CA8: variants seen among roughly 807,000 people sequenced by gnomAD.
The protein encoded by CA8 is carbonic anhydrase 8 (inactive), also known as carbonic anhydrase-related protein.
Under a neutral mutation model 41.4 loss-of-function variants are expected in CA8, and 22 were observed. The observed-to-expected ratio is 0.53, with a 90% CI of 0.38 to 0.76. The LOEUF (loss-of-function observed/expected upper bound fraction) is 0.76, where lower values mean the gene tolerates loss of function less well. Ranked by LOEUF, CA8 falls within the 30% of genes least tolerant of loss-of-function variation. The pLI is 0.00. For synonymous variants in CA8, 121 were observed against 130.6 expected, an observed-to-expected ratio of 0.93 and a Z score of 0.50; for missense variants, 270 against 352.8, an observed-to-expected ratio of 0.77 and a Z score of 1.88.
chr8:60,218,922 C>A (rs1319691066), intron 7 of CA8, among the ~76,000 whole-genome samples: 1 of 151,848 alleles, frequency 6.6e-6, no homozygotes, highest in African/African-American at 2.4e-5. Flanking sequence ...AACCCCAGAC[C>A]CCTTCTCTGC....
At chr8:60,240,956 GA>G (rs889982995) in intron 3 of CA8, among the ~76,000 whole-genome samples, 5 of 151,892 alleles carry the variant, frequency 3.3e-5, no homozygotes, top group East Asian at 3.9e-4. Flanking sequence ...GAAAAAGAAG[GA>G]AAAAAAGGGG....
At chr8:60,199,215 A>AT (rs926665087) in intron 8 of CA8, among the ~76,000 whole-genome samples, 4 of 152,150 alleles carry the variant, frequency 2.6e-5, no homozygotes, top group African/African-American at 9.6e-5. Context: ...CTCATAAAAG[A>AT]TTTTTTTTCC....
intron 3 of CA8, among the ~76,000 whole-genome samples, chr8:60,261,342 C>A (rs72665116): frequency 6.4e-4 from 98 of 152,280 alleles, no homozygotes; most frequent in Non-Finnish European, 1.2e-3. Context: ...GTACACAGAG[C>A]AACAGATGCT....
intron 3 of CA8, among the ~76,000 whole-genome samples, chr8:60,259,332 A>C (rs986573956): frequency 3.9e-5 from 6 of 152,222 alleles, no homozygotes; most frequent in Non-Finnish European, 7.3e-5. Flanking sequence ...TTAATTACAT[A>C]TTATAGGAAC....
At chr8:60,222,230 G>T (rs1251643224) in intron 7 of CA8, among the ~76,000 whole-genome samples, 2 of 152,238 alleles carry the variant, frequency 1.3e-5, no homozygotes, top group Admixed American at 6.5e-5. Context: ...CACTCCTTCT[G>T]GGTCCTTCAC....
intron 2 of CA8, among the ~76,000 whole-genome samples, chr8:60,274,720 G>C (rs1041355977): frequency 2.6e-5 from 4 of 152,112 alleles, no homozygotes; most frequent in African/African-American, 9.7e-5. Flanking sequence ...GCCCTCACCA[G>C]ACACCAAATC....
At chr8:60,263,373 G>A (rs545899082) in intron 3 of CA8, among the ~76,000 whole-genome samples, 89 of 150,094 alleles carry the variant, frequency 5.9e-4, no homozygotes, top group African/African-American at 2.2e-3. Context: ...AACAGACAGA[G>A]TAAGTATTTG....
chr8:60,258,800 T>A (rs1803638043), intron 3 of CA8, among the ~76,000 whole-genome samples: 1 of 151,942 alleles, frequency 6.6e-6, no homozygotes, highest in South Asian at 2.1e-4. Context: ...GGGTTCATGC[T>A]CCTATGAAAA....
intron 3 of CA8, among the ~76,000 whole-genome samples, chr8:60,247,900 A>G (rs948906760): frequency 6.6e-6 from 1 of 152,196 alleles, no homozygotes; most frequent in Non-Finnish European, 1.5e-5. Flanking sequence ...GTTTCTCCAC[A>G]GCCTCGCCAA....
intron 8 of CA8, among the ~76,000 whole-genome samples, chr8:60,203,111 C>T (rs1806479366): frequency 6.6e-6 from 1 of 152,090 alleles, no homozygotes; most frequent in Non-Finnish European, 1.5e-5. Flanking sequence ...GGGAAAAAGA[C>T]TTCATGGAGG....
At chr8:60,241,160 T>C (rs141399419) in intron 3 of CA8, among the ~76,000 whole-genome samples, 27 of 152,342 alleles carry the variant, frequency 1.8e-4, no homozygotes, top group South Asian at 4.1e-4. Flanking sequence ...GTCATCACTG[T>C]CAATATATTA....
intron 8 of CA8, among the ~76,000 whole-genome samples, chr8:60,206,278 A>G (rs1303889015): frequency 6.6e-6 from 1 of 152,194 alleles, no homozygotes; most frequent in African/African-American, 2.4e-5. Flanking sequence ...CACATTATTC[A>G]TCTATCATAT....
At chr8:60,275,964 C>T (rs1348204581) in intron 2 of CA8, among the ~76,000 whole-genome samples, 3 of 152,200 alleles carry the variant, frequency 2.0e-5, no homozygotes, top group Admixed American at 6.5e-5. Flanking sequence ...GTCAAGAATA[C>T]TTCCAACCCA....
chr8:60,209,717 G>C (rs1002239627), intron 7 of CA8, among the ~76,000 whole-genome samples: 4 of 152,182 alleles, frequency 2.6e-5, no homozygotes, highest in East Asian at 3.9e-4. Flanking sequence ...GGAGAGCACA[G>C]GTCCAAAAAA....
intron 8 of CA8, among the ~76,000 whole-genome samples, chr8:60,201,319 G>A (rs1021328170): frequency 7.9e-5 from 12 of 152,206 alleles, no homozygotes; most frequent in African/African-American, 2.9e-4. Flanking sequence ...GTTGTTAGTG[G>A]TGACAGGCTG....
chr8:60,202,984 A>G (rs1234509615), intron 8 of CA8, among the ~76,000 whole-genome samples: 1 of 152,202 alleles, frequency 6.6e-6, no homozygotes, highest in Non-Finnish European at 1.5e-5. Context: ...CTCGTGGAGT[A>G]AGTAAAACTA....
At chr8:60,197,611 C>T (rs1437939608) in intron 8 of CA8, among the ~76,000 whole-genome samples, 2 of 152,188 alleles carry the variant, frequency 1.3e-5, no homozygotes, top group East Asian at 1.9e-4. Flanking sequence ...CCTGAGCCAT[C>T]TCCACTGTGC....
At position 60,212,422 on chromosome 8, in the gene CA8, T is replaced by C. The variant is rs570724049; in HGVS notation, c.739-3503A>G. The stretch of plus-strand genomic sequence containing the variant: ...AGTATGCTCTATCCATTAACCCATC[T>C]ATGGACATTTATGTGGTTTCCCTGT... On this transcript the variant is annotated intron_variant, in intron 7 of 8. Transcript: ENST00000317995. Among the ~76,000 whole-genome samples the C allele has an allele frequency of 5.3e-5, 8 of 152,358 alleles. 1 individual carries two copies. Among genetic ancestry groups the C allele is most frequent in the African/African-American group, 1.9e-4 (8 of 41,594 alleles).
chr8:60,234,394 T>C (rs1427046200), intron 3 of CA8, among the ~76,000 whole-genome samples: 1 of 152,096 alleles, frequency 6.6e-6, no homozygotes. Context: ...GAAATCCAAA[T>C]AAAATGTGGA....
Sources: allele counts gnomAD v4.1 joint callset (sites outside exome capture counted in the v4.1 genomes callset), GRCh38; gene constraint gnomAD v4.1.1; transcripts MANE v1.5; gene names NCBI Gene and HGNC (gene_info 2026-07-23, HGNC 2026-07-21).